Variants in ARHGEF1 observed in about 807,000 individuals in gnomAD.
ARHGEF1 encodes the protein 115 kDa guanine nucleotide exchange factor.
In ARHGEF1, 40 loss-of-function variants were observed where a neutral mutation model predicts 119.7. The observed-to-expected ratio is 0.33, with a 90% CI of 0.26 to 0.44. The LOEUF (loss-of-function observed/expected upper bound fraction) is 0.44. ARHGEF1 is among the 20% of genes least tolerant of loss of function. The pLI is 1.00. For synonymous variants in ARHGEF1, 494 were observed against 521.0 expected, an observed-to-expected ratio of 0.95 and a Z score of 0.71; for missense variants, 976 against 1,268.3, an observed-to-expected ratio of 0.77 and a Z score of 3.50.
downstream of ARHGEF1, chr19:41,907,942 G>A (rs1390623494): frequency 5.6e-5 from 16 of 287,724 alleles, no homozygotes; most frequent in South Asian, 2.0e-4. Context: ...GTGGGCGGGC[G>A]GGGCAGGCTG....
chr19:41,908,265 G>C, downstream of ARHGEF1: 1 of 1,231,656 alleles, frequency 8.1e-7, no homozygotes, highest in Non-Finnish European at 1.0e-6. The surrounding 1 kb of genome is among the most constrained non-coding windows in gnomAD (Gnocchi z 6.7). Context: ...CTTTGCCTTG[G>C]GGGGTGCCGG....
intron 13 of ARHGEF1, 51 bp downstream of exon 13, chr19:41,896,533 T>C: frequency 1.4e-6 from 2 of 1,430,888 alleles, no homozygotes; most frequent in Non-Finnish European, 1.9e-6. Context: ...TGGGCGCTGG[T>C]GGGTGGGTGC....
rs1343562629 is a variant in ARHGEF1 at position 41,906,744 on chromosome 19, T to C, written c.2697T>C (p.Ser899=). The change falls in exon 28 of 29, where the codon TCT becomes TCC. Residue 899 remains serine (S), a synonymous_variant. Coordinates refer to ENST00000354532, the MANE Select transcript of ARHGEF1 (RefSeq NM_004706.4). This position sits in a 1 kb window ranked among gnomAD's most constrained non-coding sequence, Gnocchi z 4.5. The part of the protein sequence containing the change: ...EEFCRLRPLL[S]QLGGNSVPQP... The stretch of plus-strand genomic sequence containing the variant: ...TTTGCCGCCTGAGACCCCTCCTGTC[T>C]CAGCTTGGGGGGAACTCTGTCCCCC... The C allele has an allele frequency of 1.5e-5, 24 of 1,611,752 alleles. No homozygotes were observed. Among genetic ancestry groups the C allele is most frequent in the Non-Finnish European group, 2.0e-5 (24 of 1,179,114 alleles).
At position 41,896,462 on chromosome 19, in the gene ARHGEF1, C is replaced by T. The variant is rs199929341; in HGVS notation, c.1101C>T (p.Asp367=). The T allele has an allele frequency of 1.3e-5, 20 of 1,486,318 alleles. No homozygotes were observed. Among genetic ancestry groups the T allele is most frequent in the South Asian group, 4.2e-5 (3 of 70,930 alleles). The allele number at this position is 1,486,318 out of a possible 1,614,324, so 92.1% of individuals were successfully genotyped here. A position where few individuals can be genotyped will look rare whatever the true frequency, so the allele number is the denominator to read the frequency against. ...CCTTGGCGCCCCCAGAGAGTACCGA[C>T]GAGGGGGCCGAAACCGAGAGGTGCC... is the stretch of plus-strand genomic sequence containing the variant. ...LESLAPPEST[D]EGAETESPEP... Residue 367 remains aspartate, a synonymous_variant, in exon 13 of 29, where the codon GAC becomes GAT. Transcript: ENST00000354532.
At chr19:41,898,326 C>T in intron 13 of ARHGEF1, 116 bp from the exon 14 acceptor site, 1 of 1,476,156 alleles carries the variant, frequency 6.8e-7, no homozygotes, top group Non-Finnish European at 9.1e-7. Context: ...GCTGCACGGG[C>T]CACCCTGCGG....
At position 41,894,190 on chromosome 19, in the gene ARHGEF1, C is replaced by G; in HGVS notation, c.645-17C>G. ...TGTCTTTGTGTGTGTTGAGCCCTCA[C>G]TGTCCCTTCCCTACAGTGCTGCCGT... On this transcript the variant is annotated splice_polypyrimidine_tract_variant and intron_variant, in intron 8 of 28. Transcript: ENST00000354532. The G allele has an allele frequency of 6.7e-7, 1 of 1,492,534 alleles. No individual in the cohort carries two copies. Among genetic ancestry groups the G allele is most frequent in the Non-Finnish European group, 8.9e-7 (1 of 1,119,958 alleles). The allele number at this position is 1,492,534 out of a possible 1,614,324, so 92.5% of individuals were successfully genotyped here.
At chr19:41,923,520 C>A (rs1201544218) in intron 1 of ARHGEF1, among the ~76,000 whole-genome samples, 1 of 148,332 alleles carries the variant, frequency 6.7e-6, no homozygotes, top group Non-Finnish European at 1.5e-5. Flanking sequence ...CCAAGAGAGA[C>A]AGAGAGACTC....
chr19:41,909,201 G>A (rs930036343), downstream of ARHGEF1: 78 of 1,229,936 alleles, frequency 6.3e-5, no homozygotes, highest in East Asian at 1.5e-3. This position sits in a 1 kb window ranked among gnomAD's most constrained non-coding sequence, Gnocchi z 5.2. Flanking sequence ...GGGAGAAGCC[G>A]CCCTTCTCAG....
At chr19:41,885,552 C>T (rs1555845121) in intron 1 of ARHGEF1, among the ~76,000 whole-genome samples, 1 of 152,192 alleles carries the variant, frequency 6.6e-6, no homozygotes, top group Non-Finnish European at 1.5e-5. Context: ...ACCTCCGCCT[C>T]CCGGATTCAA....
In ARHGEF1 at chr19:41,884,403, A is replaced by G. The variant is rs2074261602; in HGVS notation, c.-20+1114A>G. ...AGGTGGACTCAGGGCGGCTAGAGCG[A>G]CGCGGCGGCAGGGGTGGGGAGAGTG... On this transcript the variant is annotated intron_variant, in intron 1 of 28. Coordinates refer to ENST00000354532, the MANE Select transcript of ARHGEF1 (RefSeq NM_004706.4). 6 of 1,593,616 alleles carry G rather than the reference A, an allele frequency of 3.8e-6. No homozygotes were observed. In the South Asian group the frequency reaches 4.5e-5, roughly 12 times the overall value.
At position 41,894,655 on chromosome 19, in the gene ARHGEF1, G is replaced by A. The variant is rs782098074; in HGVS notation, c.871G>A (p.Val291Ile). Residue 291 changes from valine (V) to isoleucine (I), a missense_variant, in exon 11 of 29, where the codon GTT becomes ATT. Physicochemically the swap from Val to Ile is conservative, Grantham distance 29. This residue lies in a region of ARHGEF1 where 519 missense variants were observed against 580.9 expected (regional missense o/e 0.89). Coordinates refer to ENST00000354532, the MANE Select transcript of ARHGEF1 (RefSeq NM_004706.4). ...AGATTTTCGACACCTCAAAGCAGAG[G>A]TTGATGGTAATGTACCTGTAGCCAT... ...VPDFRHLKAEVDAEKPGATDR... is the reference protein window; with the variant it reads ...VPDFRHLKAEIDAEKPGATDR... 5.6e-6 allele frequency: 9 copies of A among 1,614,058 alleles called. No homozygotes were observed. Among genetic ancestry groups the A allele is most frequent in the Middle Eastern group, 1.7e-4 (1 of 6,058 alleles).
chr19:41,906,920 A>T lies in ARHGEF1; in HGVS notation c.*17+117A>T, dbSNP rs73550603. On this transcript the variant is annotated intron_variant, in intron 28 of 28. Transcript: ENST00000354532. This position sits in a 1 kb window ranked among gnomAD's most constrained non-coding sequence, Gnocchi z 4.5. ...CTCTTTGTCTTTTCTGAATCTCCCCACTCCACCTCGTGTTTCTCATCTCTG... is the reference window on the plus strand; with the variant it reads ...CTCTTTGTCTTTTCTGAATCTCCCCTCTCCACCTCGTGTTTCTCATCTCTG... 0.061 allele frequency: 58,101 copies of T among 955,082 alleles called. 11,854 individuals are homozygous for T. Among genetic ancestry groups the T allele is most frequent in the African/African-American group, 0.59 (34,848 of 59,332 alleles). 59.2% of individuals were successfully genotyped at this position (955,082 alleles called of 1,614,324 possible).
intron 18 of ARHGEF1, chr19:41,912,913 A>T (rs2074762337): frequency 8.1e-7 from 1 of 1,231,134 alleles, no homozygotes; most frequent in Non-Finnish European, 1.0e-6. Flanking sequence ...ACGCAGCTAC[A>T]GTCCATGGCG....
rs782338929 is a variant in ARHGEF1 at position 41,892,969 on chromosome 19, G to T, written c.614+120G>T. 216 of 1,357,830 alleles carry T rather than the reference G, an allele frequency of 1.6e-4. No individual in the cohort carries two copies. The highest frequency in any genetic ancestry group is 2.0e-4 in the Non-Finnish European group (209 of 1,032,636). The allele number at this position is 1,357,830 out of a possible 1,614,324, so 84.1% of individuals were successfully genotyped here. A position where few individuals can be genotyped will look rare whatever the true frequency, so the allele number is the denominator to read the frequency against. On this transcript the variant is annotated intron_variant, in intron 7 of 28. Transcript: ENST00000354532. The surrounding 1 kb of genome is among the most constrained non-coding windows in gnomAD (Gnocchi z 6.3). ...TCTTCAGGGTCAGAGTTCATTTCTT[G>T]GCACTGGGGGTCTTCCTCTACCCTG...
At chr19:41,887,960 G>A in intron 1 of ARHGEF1, 104 bp from the exon 2 acceptor site, 1 of 1,292,948 alleles carries the variant, frequency 7.7e-7, no homozygotes, top group Admixed American at 2.4e-5. Flanking sequence ...CTGGGATGGG[G>A]GAGGCTGTTT....
At chr19:41,926,702 G>A (rs1380572132) in intron 1 of ARHGEF1, among the ~76,000 whole-genome samples, 1 of 150,670 alleles carries the variant, frequency 6.6e-6, no homozygotes, top group Admixed American at 6.6e-5. Context: ...CTGGGCCGCG[G>A]CGGCCGGCCG....
chr19:41,898,394 T>C, intron 13 of ARHGEF1, 48 bp from the exon 14 acceptor site: 1 of 1,549,356 alleles, frequency 6.5e-7, no homozygotes. Context: ...TGAAGGCTGC[T>C]TCTTGGGATG....
Position 41,906,111 on chromosome 19 carries a change from T to C in ARHGEF1, c.2491+86T>C, listed in dbSNP as rs1599666333. 1 of 1,336,506 alleles carries C rather than the reference T, an allele frequency of 7.5e-7. No individual in the cohort carries two copies. The highest frequency in any genetic ancestry group is 1.2e-5 in the South Asian group (1 of 83,080). 82.8% of individuals were successfully genotyped at this position (1,336,506 alleles called of 1,614,324 possible). ...AGAACAAGGCTCTCCACGTCAAAAATTTCCTTACGCCCAGCTGCCAGAAAA... is the reference window on the plus strand; with the variant it reads ...AGAACAAGGCTCTCCACGTCAAAAACTTCCTTACGCCCAGCTGCCAGAAAA... On this transcript the variant is annotated intron_variant, in intron 26 of 28. Transcript: ENST00000354532. The surrounding 1 kb of genome is among the most constrained non-coding windows in gnomAD (Gnocchi z 4.5).
At chr19:41,918,053 G>A (rs2074812625) in intron 18 of ARHGEF1, among the ~76,000 whole-genome samples, 1 of 151,844 alleles carries the variant, frequency 6.6e-6, no homozygotes, top group Admixed American at 6.6e-5. Flanking sequence ...AGAGGAGGGG[G>A]TTCAGGGGTG....
Sources: gnomAD v4.1 joint callset for allele counts (sites outside exome capture counted in the v4.1 genomes callset) on GRCh38, gnomAD v4.1.1 for gene constraint, gnomAD v4.1.1 regional missense constraint, Gnocchi (gnomAD v3.1) non-coding constraint, MANE v1.5 for transcripts, NCBI Gene and HGNC (gene_info 2026-07-23, HGNC 2026-07-21) for gene names.